Variants in MGAT4C observed in about 807,000 individuals in gnomAD.
MGAT4C encodes the protein MGAT4 family member C, also known as alpha-1,3-mannosyl-glycoprotein 4-beta-N-acetylglucosaminyltransferase C.
Under a neutral mutation model 40.1 loss-of-function variants are expected in MGAT4C, and 19 were observed. That is an observed-to-expected ratio of 0.47 (90% CI 0.33 to 0.70). MGAT4C has a LOEUF of 0.70. Among genes scored for constraint, MGAT4C ranks in the 30% least tolerant of loss-of-function variants. The pLI, the probability that MGAT4C is intolerant of heterozygous loss-of-function variation, is 0.02. For missense variants in MGAT4C, 491 were observed against 563.2 expected (o/e 0.87, Z 1.30); for synonymous variants, 181 against 187.1 (o/e 0.97, Z 0.27).
intron 1 of MGAT4C, among the ~76,000 whole-genome samples, chr12:86,241,542 T>A (rs138010222): frequency 9.5e-4 from 145 of 152,316 alleles, no homozygotes; most frequent in African/African-American, 3.3e-3. Context: ...TTGTAATTCA[T>A]TACTGCTCCA....
rs533493506 is a variant in MGAT4C, at chr12:86,360,820, C to T, written c.-119-26693G>A. Among the ~76,000 whole-genome samples, 62 of 152,164 alleles carry T rather than the reference C, an allele frequency of 4.1e-4. 1 individual carries two copies. The East Asian group carries it at 0.011, about 28-fold the overall frequency. On this transcript the variant is annotated intron_variant, in intron 3 of 7. Coordinates refer to the MGAT4C transcript ENST00000548651. ...CTTCAAGGAGAACAACAAACCATTGCTCAACGAAATAAAAGAGGATACAAA... is the reference window on the plus strand; with the variant it reads ...CTTCAAGGAGAACAACAAACCATTGTTCAACGAAATAAAAGAGGATACAAA...
chr12:86,297,045 G>A (rs570522370), intron 4 of MGAT4C, among the ~76,000 whole-genome samples: 1 of 152,172 alleles, frequency 6.6e-6, no homozygotes, highest in African/African-American at 2.4e-5. Context: ...CCCTGGAAAA[G>A]AAAATATTTC....
chr12:86,184,636 T>C (rs200249825), intron 1 of MGAT4C, among the ~76,000 whole-genome samples: 10 of 148,168 alleles, frequency 6.7e-5, no homozygotes, highest in East Asian at 2.0e-4. Flanking sequence ...TCTTTTTTTT[T>C]CTCTTCCTTC....
chr12:86,234,883 C>A (rs1217524158), intron 1 of MGAT4C, among the ~76,000 whole-genome samples: 2 of 152,028 alleles, frequency 1.3e-5, no homozygotes, highest in Non-Finnish European at 2.9e-5. Context: ...ACTGGTACTT[C>A]ATCTGACACC....
chr12:86,265,086 C>T (rs950149984), intron 4 of MGAT4C, among the ~76,000 whole-genome samples: 1 of 152,162 alleles, frequency 6.6e-6, no homozygotes, highest in Non-Finnish European at 1.5e-5. Context: ...CCCGTGCGGG[C>T]ACCTGGAGCT....
intron 2 of MGAT4C, among the ~76,000 whole-genome samples, chr12:86,532,469 C>G (rs1959001395): frequency 6.6e-6 from 1 of 151,940 alleles, no homozygotes; most frequent in Non-Finnish European, 1.5e-5. Context: ...AAAATTTGTA[C>G]ACCACAGTAA....
At chr12:86,505,314 T>C (rs1378393526) in intron 2 of MGAT4C, among the ~76,000 whole-genome samples, 1 of 152,202 alleles carries the variant, frequency 6.6e-6, no homozygotes, top group African/African-American at 2.4e-5. Context: ...TCCATATCCA[T>C]TTCCTTTCTC....
Position 86,669,743 on chromosome 12 carries a change from C to T in MGAT4C, c.-229+57466G>A, listed in dbSNP as rs989442253. On this transcript the variant is annotated intron_variant, in intron 2 of 7. Transcript: ENST00000548651. Reference sequence around the variant, plus strand: ...GGGGTGGGCAAGCAGGGAGATAAGACCACTTTGCACTCCACAGAATAGCCC... The same window carrying T: ...GGGGTGGGCAAGCAGGGAGATAAGATCACTTTGCACTCCACAGAATAGCCC... 6.6e-5 allele frequency among the ~76,000 whole-genome samples: 10 copies of T among 152,352 alleles called. No individual in the cohort carries two copies. The East Asian group carries it at 1.9e-3, about 29-fold the overall frequency.
At chr12:86,642,829 C>T (rs571467452) in intron 2 of MGAT4C, among the ~76,000 whole-genome samples, 1 of 150,718 alleles carries the variant, frequency 6.6e-6, no homozygotes, top group South Asian at 2.1e-4. Context: ...TATGTGATAC[C>T]ACATATACAT....
At chr12:86,818,337 T>C (rs2136224151) in intron 1 of MGAT4C, among the ~76,000 whole-genome samples, 1 of 151,024 alleles carries the variant, frequency 6.6e-6, no homozygotes, top group East Asian at 1.9e-4. Flanking sequence ...CATGAAGAAA[T>C]TAAAAAGACA....
At chr12:86,239,157 G>T (rs1592548010) in intron 1 of MGAT4C, among the ~76,000 whole-genome samples, 1 of 151,956 alleles carries the variant, frequency 6.6e-6, no homozygotes, top group Non-Finnish European at 1.5e-5. Flanking sequence ...ATTCCAAAAA[G>T]GTTGTCAGAG....
intron 3 of MGAT4C, among the ~76,000 whole-genome samples, chr12:86,353,899 TAG>T (rs1291996449): frequency 6.6e-6 from 1 of 152,054 alleles, no homozygotes; most frequent in Non-Finnish European, 1.5e-5. Context: ...GCCTCATAGC[TAG>T]AGTACCAAAT....
chr12:86,306,975 A>C (rs1249948066), intron 4 of MGAT4C, among the ~76,000 whole-genome samples: 2 of 150,550 alleles, frequency 1.3e-5, no homozygotes, highest in Non-Finnish European at 2.9e-5. Flanking sequence ...AAATGTTGAA[A>C]AATTTTAATA....
intron 1 of MGAT4C, among the ~76,000 whole-genome samples, chr12:86,115,245 G>A (rs1231129217): frequency 1.3e-5 from 2 of 151,874 alleles, no homozygotes; most frequent in African/African-American, 4.8e-5. Context: ...TGACAATGTG[G>A]AGATAATGAT....
intron 1 of MGAT4C, among the ~76,000 whole-genome samples, chr12:86,083,514 T>C (rs1871228164): frequency 1.3e-5 from 2 of 152,038 alleles, no homozygotes; most frequent in South Asian, 4.1e-4. Flanking sequence ...CTCACAAGTA[T>C]CTGCACTCTA....
At chr12:86,765,297 A>G (rs7486381) in intron 1 of MGAT4C, among the ~76,000 whole-genome samples, 51,636 of 152,038 alleles carry the variant, frequency 0.34, 10,309 homozygotes, top group Admixed American at 0.47. Flanking sequence ...GAAATGAAGC[A>G]AGAAGGGAAG....
chr12:86,682,927 T>C (rs934860752), intron 2 of MGAT4C, among the ~76,000 whole-genome samples: 1 of 152,234 alleles, frequency 6.6e-6, no homozygotes, highest in African/African-American at 2.4e-5. Flanking sequence ...TGTTTTTATC[T>C]ATTTCCCTTT....
rs189573875 is a variant in MGAT4C, at chr12:86,791,758, C to T, written c.-262+46908G>A. ...TCAGCATTAGTTCCAGAAGTGTAAA[C>T]TCATTGAGGAAATTTTACAGAGTGC... On this transcript the variant is annotated intron_variant, in intron 1 of 7. Transcript: ENST00000548651. 6.6e-5 allele frequency among the ~76,000 whole-genome samples: 10 copies of T among 152,236 alleles called. No homozygotes were observed. In the East Asian group the frequency reaches 1.5e-3, roughly 24 times the overall value.
chr12:86,226,884 A>G (rs763509147), intron 1 of MGAT4C, among the ~76,000 whole-genome samples: 4 of 151,886 alleles, frequency 2.6e-5, no homozygotes, highest in African/African-American at 4.8e-5. Context: ...GGACCCTGCA[A>G]CCCACTCCTA....
Sources: gnomAD v4.1 joint callset for allele counts (sites outside exome capture counted in the v4.1 genomes callset) on GRCh38, gnomAD v4.1.1 for gene constraint, MANE v1.5 for transcripts, NCBI Gene and HGNC (gene_info 2026-07-23, HGNC 2026-07-21) for gene names.